Variants in MIR2052HG observed in about 807,000 individuals in gnomAD.
MIR2052HG encodes MIR2052 host gene.
intron 2 of MIR2052HG, among the ~76,000 whole-genome samples, chr8:74,614,744 A>C (rs1438587839): frequency 1.3e-5 from 2 of 151,558 alleles, no homozygotes; most frequent in African/African-American, 4.8e-5. Flanking sequence ...AATCTAGCAT[A>C]TTTTAACAAT....
chr8:74,728,134 T>C (rs1809655569), intron 4 of MIR2052HG, among the ~76,000 whole-genome samples: 1 of 152,238 alleles, frequency 6.6e-6, no homozygotes, highest in Admixed American at 6.5e-5. Flanking sequence ...GTGCACATCA[T>C]ACTTGGGCAA....
chr8:74,727,849 G>GCT (rs1563540979), intron 4 of MIR2052HG, among the ~76,000 whole-genome samples: 11 of 152,042 alleles, frequency 7.2e-5, no homozygotes, highest in African/African-American at 2.7e-4. Flanking sequence ...TTTTCTATGT[G>GCT]GTTTTATTAA....
intron 4 of MIR2052HG, among the ~76,000 whole-genome samples, chr8:74,723,105 G>A (rs904002120): frequency 1.2e-4 from 19 of 152,110 alleles, no homozygotes; most frequent in African/African-American, 3.9e-4. Flanking sequence ...AAACTATTTG[G>A]GCTCATGAAG....
chr8:74,679,977 T>C (rs901184483), intron 2 of MIR2052HG, among the ~76,000 whole-genome samples: 4 of 152,202 alleles, frequency 2.6e-5, no homozygotes, highest in Non-Finnish European at 5.9e-5. Flanking sequence ...GAGGTAAACG[T>C]AAAATATATG....
chr8:74,647,398 G>A (rs775647477), intron 2 of MIR2052HG, among the ~76,000 whole-genome samples: 1 of 152,140 alleles, frequency 6.6e-6, no homozygotes, highest in Non-Finnish European at 1.5e-5. Flanking sequence ...AATAAGTGAT[G>A]TATTACAAAC....
intron 2 of MIR2052HG, among the ~76,000 whole-genome samples, chr8:74,658,582 C>T (rs1808830942): frequency 6.6e-6 from 1 of 152,066 alleles, no homozygotes; most frequent in African/African-American, 2.4e-5. Context: ...AATGAGGTTT[C>T]ACCATGTTGG....
chr8:74,643,692 A>G (rs372024619), intron 2 of MIR2052HG, among the ~76,000 whole-genome samples: 1 of 152,016 alleles, frequency 6.6e-6, no homozygotes, highest in African/African-American at 2.4e-5. Flanking sequence ...TATTAGAAGC[A>G]TTTTTTTTAA....
rs1485340799 is a variant in MIR2052HG at position 74,673,910 on chromosome 8, T to TATATATATATATACAC, written n.217-28468_217-28467insTATATATATATACACA. ...TTGTATATATATATATATATATATA[T>TATATATATATATACAC]ACACACACAAAATATCTATCTATAT... is the stretch of plus-strand genomic sequence containing the variant. On this transcript the variant is annotated intron_variant and non_coding_transcript_variant, in intron 2 of 6. Coordinates refer to ENST00000523442, the Ensembl canonical transcript of MIR2052HG. Among the ~76,000 whole-genome samples the TATATATATATATACAC allele has an allele frequency of 2.9e-4, 39 of 133,180 alleles. 1 individual carries two copies. The highest frequency in any genetic ancestry group is 1.3e-3 in the African/African-American group (37 of 29,488). The allele number at this position is 133,180 out of a possible 152,430, so 87.4% of individuals were successfully genotyped here.
At chr8:74,700,005 C>A (rs1373112864) in intron 2 of MIR2052HG, among the ~76,000 whole-genome samples, 1 of 152,072 alleles carries the variant, frequency 6.6e-6, no homozygotes, top group Non-Finnish European at 1.5e-5. Context: ...GTTTATCAAC[C>A]ATTTTGCTAA....
chr8:74,731,624 A>C lies in MIR2052HG; in HGVS notation n.372-20817A>C, dbSNP rs373614277. Reference sequence around the variant, plus strand: ...CTTAAATAGTCTTCTAGACTATTTAAATGCCAGCATGCAGGAAACTCTGAA... The same window carrying C: ...CTTAAATAGTCTTCTAGACTATTTACATGCCAGCATGCAGGAAACTCTGAA... On this transcript the variant is annotated intron_variant and non_coding_transcript_variant, in intron 4 of 6. Transcript: ENST00000523442. Among the ~76,000 whole-genome samples, 9 of 152,292 alleles carry C rather than the reference A, an allele frequency of 5.9e-5. No individual in the cohort carries two copies. The East Asian group carries it at 9.6e-4, about 16-fold the overall frequency.
intron 2 of MIR2052HG, among the ~76,000 whole-genome samples, chr8:74,665,622 A>C (rs1232671522): frequency 1.3e-5 from 2 of 152,214 alleles, no homozygotes; most frequent in African/African-American, 4.8e-5. Flanking sequence ...CTTTAGGATC[A>C]TTTTATATTT....
intron 4 of MIR2052HG, among the ~76,000 whole-genome samples, chr8:74,707,757 A>G (rs1297951920): frequency 6.6e-6 from 1 of 152,134 alleles, no homozygotes; most frequent in Non-Finnish European, 1.5e-5. Context: ...TACAGAAGTT[A>G]GAAGATACCA....
intron 2 of MIR2052HG, among the ~76,000 whole-genome samples, chr8:74,652,740 C>G: frequency 6.6e-6 from 1 of 152,126 alleles, no homozygotes; most frequent in Non-Finnish European, 1.5e-5. Flanking sequence ...GCTATTCATA[C>G]TTGTGCATAT....
chr8:74,654,098 G>C (rs1229903360), intron 2 of MIR2052HG, among the ~76,000 whole-genome samples: 1 of 152,192 alleles, frequency 6.6e-6, no homozygotes, highest in Non-Finnish European at 1.5e-5. Flanking sequence ...TGGGTGGAGA[G>C]AGCATTTCTA....
At chr8:74,665,244 C>A (rs957015500) in intron 2 of MIR2052HG, among the ~76,000 whole-genome samples, 1 of 152,140 alleles carries the variant, frequency 6.6e-6, no homozygotes, top group African/African-American at 2.4e-5. Context: ...GGCATTCTTG[C>A]AAAAGTAACA....
At chr8:74,643,058 A>G (rs566317167) in intron 2 of MIR2052HG, among the ~76,000 whole-genome samples, 1 of 152,308 alleles carries the variant, frequency 6.6e-6, no homozygotes, top group Non-Finnish European at 1.5e-5. Context: ...GTTACCTTAC[A>G]CATTTTCAGA....
chr8:74,667,161 C>A (rs1808938470), intron 2 of MIR2052HG, among the ~76,000 whole-genome samples: 1 of 152,124 alleles, frequency 6.6e-6, no homozygotes, highest in Non-Finnish European at 1.5e-5. Flanking sequence ...TCAAAGGGGA[C>A]AGGAGCTCAG....
At chr8:74,661,076 A>G (rs946008412) in intron 2 of MIR2052HG, among the ~76,000 whole-genome samples, 6 of 152,198 alleles carry the variant, frequency 3.9e-5, no homozygotes, top group African/African-American at 1.4e-4. Context: ...GATAATAACT[A>G]CAACTGAAAG....
chr8:74,627,031 C>A (rs1477030926), intron 2 of MIR2052HG, among the ~76,000 whole-genome samples: 1 of 152,234 alleles, frequency 6.6e-6, no homozygotes, highest in African/African-American at 2.4e-5. Flanking sequence ...TGGCTTCTGT[C>A]ATGTCCTTTA....
Sources: allele counts gnomAD v4.1 joint callset (sites outside exome capture counted in the v4.1 genomes callset), GRCh38; gene constraint gnomAD v4.1.1; transcripts MANE v1.5; gene names NCBI Gene and HGNC (gene_info 2026-07-23, HGNC 2026-07-21).